The following ABCA13 variants were observed in gnomAD, a reference collection of about 807,000 sequenced individuals.
ABCA13 encodes ATP binding cassette subfamily A member 13, also known as ATP-binding cassette sub-family A member 13.
ABCA13 carries 476 observed loss-of-function variants against 478.7 expected under a neutral mutation model. The observed-to-expected ratio is 0.99, with a 90% CI of 0.92 to 1.07. The LOEUF (loss-of-function observed/expected upper bound fraction) is 1.07. Among genes scored for constraint, ABCA13 ranks in the 50% least tolerant of loss-of-function variants. ABCA13 has a pLI of 0.00. For synonymous variants in ABCA13, 2,252 were observed against 2,158.9 expected, an observed-to-expected ratio of 1.04 and a Z score of -1.20; for missense variants, 6,060 against 5,910.6, an observed-to-expected ratio of 1.03 and a Z score of -0.83.
rs78928606 is a variant in ABCA13, at chr7:48,499,747, G to A, written c.13292-6589G>A. Among the ~76,000 whole-genome samples, 209 of 152,210 alleles carry A rather than the reference G, an allele frequency of 1.4e-3. 1 individual carries two copies. The highest frequency in any genetic ancestry group is 4.8e-3 in the African/African-American group (199 of 41,544). On this transcript the variant is annotated intron_variant, in intron 48 of 61. Coordinates refer to ENST00000435803, the MANE Select transcript of ABCA13 (RefSeq NM_152701.5). ...TTCTGAAAACTTGTGAAGTAATGTC[G>A]TAAAGACTTCAGTGAGATTCTTCTA...
chr7:48,272,639 C>A lies in ABCA13; in HGVS notation c.2973C>A (p.Ile991=), dbSNP rs895727952. The part of the protein sequence containing the change: ...RGSSLTFLTQ[I]SKHILDIIKQ... The stretch of plus-strand genomic sequence containing the variant: ...CTTCGTTGACTTTCCTTACACAAAT[C>A]TCAAAACACATTTTGGATATCATAA... Residue 991 remains isoleucine, a synonymous_variant, in exon 17 of 62, where the codon ATC becomes ATA. Coordinates refer to ENST00000435803, the MANE Select transcript of ABCA13 (RefSeq NM_152701.5). 3.1e-6 allele frequency: 5 copies of A among 1,613,004 alleles called. No homozygotes were observed. The Admixed American group carries it at 5.0e-5, about 16-fold the overall frequency.
intron 21 of ABCA13, 136 bp from the exon 22 acceptor site, chr7:48,297,096 T>C (rs1799486282): frequency 4.1e-6 from 3 of 732,610 alleles, no homozygotes; most frequent in Non-Finnish European, 6.9e-6. Flanking sequence ...GTGGGTCTAA[T>C]TGTTGCAGGA....
chr7:48,527,902 ATATTATAT>A (rs1489118404), intron 54 of ABCA13, among the ~76,000 whole-genome samples: 6 of 152,178 alleles, frequency 3.9e-5, no homozygotes, highest in Non-Finnish European at 8.8e-5. Context: ...CTTCCTAAGA[ATATTATAT>A]TATCTCTGCA....
chr7:48,320,395 C>G (rs1262839262), intron 27 of ABCA13, among the ~76,000 whole-genome samples: 1 of 152,322 alleles, frequency 6.6e-6, no homozygotes, highest in South Asian at 2.1e-4. Flanking sequence ...ACTCAAGGTG[C>G]TATAGCTGTC....
intron 15 of ABCA13, among the ~76,000 whole-genome samples, chr7:48,266,913 A>G (rs73341766): frequency 0.03 from 4,539 of 151,942 alleles, 222 homozygotes; most frequent in African/African-American, 0.1. Flanking sequence ...AGTACTTTCT[A>G]TGTTTCCTTT....
At chr7:48,222,737 G>T (rs546353527) in intron 5 of ABCA13, among the ~76,000 whole-genome samples, 1 of 152,222 alleles carries the variant, frequency 6.6e-6, no homozygotes, top group East Asian at 1.9e-4. Flanking sequence ...GTTCTATGTT[G>T]CTTTTTTATT....
At chr7:48,292,748 C>A (rs903394856) in intron 20 of ABCA13, among the ~76,000 whole-genome samples, 4 of 152,234 alleles carry the variant, frequency 2.6e-5, no homozygotes, top group Admixed American at 1.3e-4. Flanking sequence ...GCCCCCACCC[C>A]TGCCTTATTT....
intron 26 of ABCA13, among the ~76,000 whole-genome samples, chr7:48,315,057 T>C (rs1802368348): frequency 6.6e-6 from 1 of 152,208 alleles, no homozygotes; most frequent in Non-Finnish European, 1.5e-5. Context: ...TTCAGCTCCA[T>C]CAGTTGTGCA....
At chr7:48,410,498 T>C in intron 39 of ABCA13, 22 bp from the exon 40 acceptor site, 1 of 1,613,932 alleles carries the variant, frequency 6.2e-7, no homozygotes, top group Admixed American at 1.7e-5. Context: ...CTGGTGCTGA[T>C]GCACCCTGTG....
chr7:48,459,282 G>A (rs1487507169), intron 43 of ABCA13, among the ~76,000 whole-genome samples: 1 of 152,080 alleles, frequency 6.6e-6, no homozygotes, highest in Non-Finnish European at 1.5e-5. Context: ...GCTCCATATT[G>A]CCCAAGGGAT....
intron 61 of ABCA13, 122 bp from the exon 62 acceptor site, chr7:48,645,295 T>C: frequency 1.5e-6 from 1 of 667,220 alleles, no homozygotes; most frequent in Non-Finnish European, 2.6e-6. Context: ...ATGGTATGAA[T>C]TAATGATCTG....
chr7:48,196,559 C>G (rs1584107903), intron 2 of ABCA13, among the ~76,000 whole-genome samples: 2 of 152,178 alleles, frequency 1.3e-5, no homozygotes, highest in South Asian at 4.1e-4. Context: ...CAGGAGCATG[C>G]ACTCAGCACC....
chr7:48,487,269 C>G (rs1196449489), intron 47 of ABCA13, among the ~76,000 whole-genome samples: 1 of 150,256 alleles, frequency 6.7e-6, no homozygotes, highest in African/African-American at 2.5e-5. Context: ...GAGATCATGC[C>G]ATTGCATTCC....
intron 43 of ABCA13, among the ~76,000 whole-genome samples, chr7:48,461,561 T>A (rs1003793513): frequency 6.6e-6 from 1 of 152,210 alleles, no homozygotes; most frequent in Non-Finnish European, 1.5e-5. Context: ...GTAGGCATTT[T>A]TAAAATGTTT....
chr7:48,386,503 T>C (rs1436209649), intron 35 of ABCA13, among the ~76,000 whole-genome samples: 1 of 152,166 alleles, frequency 6.6e-6, no homozygotes, highest in Non-Finnish European at 1.5e-5. Context: ...AGGGCTACAG[T>C]AACCATAACA....
In ABCA13 at chr7:48,381,578, C is replaced by T. The variant is rs146874920; in HGVS notation, c.11335+5006C>T. ...AGCGTCAACTGCAGGTCTCCACGCT[C>T]GAGTCAAGAGCTCACAAGCAAACAT... On this transcript the variant is annotated intron_variant, in intron 35 of 61. Coordinates refer to ENST00000435803, the MANE Select transcript of ABCA13 (RefSeq NM_152701.5). Among the ~76,000 whole-genome samples, 350 of 152,198 alleles carry T rather than the reference C, an allele frequency of 2.3e-3. 1 individual carries two copies. Among genetic ancestry groups the T allele is most frequent in the Non-Finnish European group, 3.8e-3 (257 of 68,028 alleles).
chr7:48,373,537 G>A (rs1812991535), intron 33 of ABCA13, among the ~76,000 whole-genome samples: 1 of 152,170 alleles, frequency 6.6e-6, no homozygotes, highest in Admixed American at 6.5e-5. Context: ...CTATTGGTAT[G>A]TGTTCATTGG....
intron 55 of ABCA13, among the ~76,000 whole-genome samples, chr7:48,556,035 T>C (rs1380283171): frequency 6.6e-6 from 1 of 151,856 alleles, no homozygotes; most frequent in Non-Finnish European, 1.5e-5. Context: ...AATTTTTCAA[T>C]TTCTTTCTTA....
intron 25 of ABCA13, 47 bp downstream of exon 25, chr7:48,313,278 T>G: frequency 3.2e-6 from 5 of 1,541,934 alleles, no homozygotes; most frequent in Non-Finnish European, 4.4e-6. Context: ...AATTTGCCCC[T>G]TCTTTGTATT....
Sources: allele counts gnomAD v4.1 joint callset (sites outside exome capture counted in the v4.1 genomes callset), GRCh38; gene constraint gnomAD v4.1.1; transcripts MANE v1.5; gene names NCBI Gene and HGNC (gene_info 2026-07-23, HGNC 2026-07-21).